Variants in UGT1A8 observed in about 807,000 individuals in gnomAD.
UGT1A8 encodes the protein UDP-glucuronosyltransferase 1A8.
In UGT1A8, 39 loss-of-function variants were observed where a neutral mutation model predicts 45.3. That is an observed-to-expected ratio of 0.86 (90% CI 0.67 to 1.12). The LOEUF (loss-of-function observed/expected upper bound fraction) is 1.12. Among genes scored for constraint, UGT1A8 ranks in the 50% most tolerant of loss-of-function variants. The probability of loss-of-function intolerance (pLI) is 0.00; values close to 1 mark genes in which losing one functional copy is unlikely to be tolerated. For missense variants in UGT1A8, 719 were observed against 664.9 expected, an observed-to-expected ratio of 1.08 and a Z score of -0.90; for synonymous variants, 275 against 249.2, an observed-to-expected ratio of 1.10 and a Z score of -0.97.
At chr2:233,632,077 T>C (rs2073197355) in intron 1 of UGT1A8, among the ~76,000 whole-genome samples, 2 of 152,334 alleles carry the variant, frequency 1.3e-5, no homozygotes, top group East Asian at 3.9e-4. Context: ...CCCAACACCA[T>C]TTATTACATA....
chr2:233,720,875 T>C (rs1162518067), intron 1 of UGT1A8, among the ~76,000 whole-genome samples: 2 of 150,264 alleles, frequency 1.3e-5, no homozygotes, highest in East Asian at 3.9e-4. Context: ...CTGGCAATTT[T>C]TTTTTTTTTT....
chr2:233,760,477 G>A (rs775184773), intron 1 of UGT1A8: 6 of 1,614,242 alleles, frequency 3.7e-6, no homozygotes, highest in South Asian at 2.2e-5. Flanking sequence ...AGCACCTGAC[G>A]CCTCGTTGTA....
chr2:233,754,665 AT>A (rs752229414), intron 1 of UGT1A8: 3 of 465,408 alleles, frequency 6.4e-6, no homozygotes, highest in South Asian at 1.5e-5. Flanking sequence ...CTTGGTGGTG[AT>A]TTTTTTACCA....
At chr2:233,702,369 G>T (rs116955810) in intron 1 of UGT1A8, among the ~76,000 whole-genome samples, 2 of 151,858 alleles carry the variant, frequency 1.3e-5, no homozygotes, top group African/African-American at 2.4e-5. Flanking sequence ...AGTGGATTTC[G>T]TAGGATTTTC....
intron 1 of UGT1A8, among the ~76,000 whole-genome samples, chr2:233,751,262 C>A (rs1474286955): frequency 1.3e-5 from 2 of 151,906 alleles, no homozygotes; most frequent in Non-Finnish European, 2.9e-5. Flanking sequence ...GCCTGTAGCC[C>A]CCTTTTTTTG....
intron 1 of UGT1A8, among the ~76,000 whole-genome samples, chr2:233,680,026 TTTTCTTTTTCTCTTTC>T (rs1446340462): frequency 2.0e-5 from 3 of 152,184 alleles, no homozygotes; most frequent in Non-Finnish European, 4.4e-5. Flanking sequence ...TCTCTCTCTT[TTTTCTTTTTCTCTTTC>T]TTTCTTTTGC....
chr2:233,672,147 T>A, intron 1 of UGT1A8: 1 of 1,614,166 alleles, frequency 6.2e-7, no homozygotes, highest in Non-Finnish European at 8.5e-7. Context: ...GATCACTGAA[T>A]TGCACAGTGA....
intron 1 of UGT1A8, among the ~76,000 whole-genome samples, chr2:233,733,461 T>C (rs1181074493): frequency 2.0e-5 from 3 of 152,224 alleles, no homozygotes. Flanking sequence ...TAAATAGCTC[T>C]TATTATTTTG....
chr2:233,640,500 A>C (rs1228518691), intron 1 of UGT1A8, among the ~76,000 whole-genome samples: 8 of 152,304 alleles, frequency 5.3e-5, no homozygotes, highest in African/African-American at 1.4e-4. Context: ...TAATTAATTT[A>C]CCTCCAATTG....
intron 2 of UGT1A8, among the ~76,000 whole-genome samples, 197 bp downstream of exon 2, chr2:233,767,362 A>G (rs916672959): frequency 6.6e-6 from 1 of 152,144 alleles, no homozygotes; most frequent in Non-Finnish European, 1.5e-5. Context: ...CAAATACTCT[A>G]TTAAACTATG....
At chr2:233,645,711 A>T (rs1426232289) in intron 1 of UGT1A8, among the ~76,000 whole-genome samples, 1 of 152,196 alleles carries the variant, frequency 6.6e-6, no homozygotes, top group South Asian at 2.1e-4. Flanking sequence ...GTGAGTTCCC[A>T]TGGTCTTAGG....
intron 1 of UGT1A8, chr2:233,713,829 A>G (rs1484751529): frequency 1.2e-6 from 2 of 1,613,982 alleles, no homozygotes; most frequent in African/African-American, 2.7e-5. Context: ...TGGGGGCATC[A>G]ACTGTGCCAA....
In UGT1A8 at chr2:233,767,146, T is replaced by A. The variant is rs372326047; in HGVS notation, c.968T>A (p.Leu323Ter). 2 of 1,614,014 alleles carry A rather than the reference T, an allele frequency of 1.2e-6. No homozygotes were observed. The highest frequency in any genetic ancestry group is 2.7e-5 in the African/African-American group (2 of 74,934). ...AAAGCTATGGCAATTGCTGATGCTT[T>A]GGGCAAAATCCCTCAGACAGTAAGA... Reference protein sequence around the residue: ...EKKAMAIADALGKIPQTVLWR... With the variant: ...EKKAMAIADA The change falls in exon 2 of 5, where the codon TTG becomes TAG. Residue 323 changes from leucine to a stop codon, truncating the protein, a stop_gained. Transcript: ENST00000373450. LOFTEE classifies it high-confidence loss of function.
chr2:233,681,891 A>G (rs1417339662), intron 1 of UGT1A8: 3 of 1,585,570 alleles, frequency 1.9e-6, no homozygotes, highest in Non-Finnish European at 2.6e-6. Context: ...TTACTATATT[A>G]TAGGAGCTTA....
intron 1 of UGT1A8, among the ~76,000 whole-genome samples, chr2:233,669,745 G>A (rs991945091): frequency 6.6e-6 from 1 of 152,044 alleles, no homozygotes; most frequent in African/African-American, 2.4e-5. Context: ...GTATAATGGC[G>A]TGATCTCAGC....
chr2:233,649,667 A>T (rs2073691560), intron 1 of UGT1A8, among the ~76,000 whole-genome samples: 1 of 152,220 alleles, frequency 6.6e-6, no homozygotes. Context: ...TTTGGATGCA[A>T]CATAGACACA....
chr2:233,698,061 G>A (rs1449377967), intron 1 of UGT1A8, among the ~76,000 whole-genome samples: 1 of 152,128 alleles, frequency 6.6e-6, no homozygotes, highest in Non-Finnish European at 1.5e-5. Context: ...CAGTTATATT[G>A]AGAAACTGGG....
intron 1 of UGT1A8, among the ~76,000 whole-genome samples, chr2:233,749,511 A>G (rs944951323): frequency 2.0e-5 from 3 of 151,918 alleles, no homozygotes; most frequent in East Asian, 3.8e-4. Flanking sequence ...ATTAGAGAAC[A>G]CTAGCAAGGC....
intron 1 of UGT1A8, among the ~76,000 whole-genome samples, chr2:233,736,157 T>C (rs1193555745): frequency 6.6e-6 from 1 of 152,262 alleles, no homozygotes; most frequent in African/African-American, 2.4e-5. Flanking sequence ...CAGTCAAACG[T>C]AGATTTGGTC....
Sources: allele counts gnomAD v4.1 joint callset (sites outside exome capture counted in the v4.1 genomes callset), GRCh38; gene constraint gnomAD v4.1.1; transcripts MANE v1.5; gene names NCBI Gene and HGNC (gene_info 2026-07-23, HGNC 2026-07-21).